The following PPP1R37 variants were observed in gnomAD, a reference collection of about 807,000 sequenced individuals.
The protein encoded by PPP1R37 is leucine rich repeat containing 68.
A neutral mutation model predicts 61.0 loss-of-function variants in PPP1R37; 21 were observed. That is an observed-to-expected ratio of 0.34 (90% confidence interval 0.24 to 0.50). PPP1R37 has a LOEUF of 0.50. PPP1R37 is among the 20% of genes least tolerant of loss of function. The pLI is 0.98. For missense variants in PPP1R37, 910 were observed against 952.7 expected (o/e 0.96, Z 0.59); for synonymous variants, 443 against 433.5 (o/e 1.02, Z -0.27).
intron 1 of PPP1R37, among the ~76,000 whole-genome samples, chr19:45,102,201 G>A (rs867979246): frequency 2.9e-4 from 44 of 152,326 alleles, no homozygotes; most frequent in African/African-American, 1.0e-3. Flanking sequence ...AACCCCTCTG[G>A]TGGCTTAGCG....
At chr19:45,128,730 A>G (rs897481676) in intron 1 of PPP1R37, 6 of 819,020 alleles carry the variant, frequency 7.3e-6, no homozygotes, top group African/African-American at 6.9e-5. Flanking sequence ...CAGCCGCGTC[A>G]AGGTCCACCT....
rs1599713756 is a variant in PPP1R37 at position 45,144,940 on chromosome 19, C to A, written c.1074C>A (p.Ile358=). 2 of 1,535,764 alleles carry A rather than the reference C, an allele frequency of 1.3e-6. No individual in the cohort carries two copies. Among genetic ancestry groups the A allele is most frequent in the Non-Finnish European group, 1.7e-6 (2 of 1,146,716 alleles). ...EGVRHLKNGL[I]SNRSVLRLGL... is the part of the protein sequence containing the mutation. ...TGCGGCACCTCAAGAACGGGCTCAT[C>A]AGCAACCGCAGCGTGCTGCGCCTCG... Residue 358 remains isoleucine (I), a synonymous_variant, in exon 9 of 13, where the codon ATC becomes ATA. Transcript: ENST00000221462.
chr19:45,120,122 A>C (rs987075134), intron 1 of PPP1R37, among the ~76,000 whole-genome samples: 9 of 141,358 alleles, frequency 6.4e-5, no homozygotes, highest in East Asian at 4.1e-4. Flanking sequence ...GGTTCACGCC[A>C]TTCTCCTGCC....
At chr19:45,134,978 G>A (rs956160132) in intron 1 of PPP1R37, among the ~76,000 whole-genome samples, 1 of 152,144 alleles carries the variant, frequency 6.6e-6, no homozygotes, top group Non-Finnish European at 1.5e-5. Context: ...GGCTGGGCAC[G>A]GTGGCTCACG....
chr19:45,113,764 C>T (rs977290860), intron 1 of PPP1R37, among the ~76,000 whole-genome samples: 1 of 152,202 alleles, frequency 6.6e-6, no homozygotes, highest in East Asian at 1.9e-4. Context: ...GAGTTCTCTC[C>T]GCCCCCTCAC....
Position 45,145,844 on chromosome 19 carries a change from C to G in PPP1R37, c.1788C>G (p.Pro596=). The G allele has an allele frequency of 6.7e-7, 1 of 1,488,528 alleles. No homozygotes were observed. The highest frequency in any genetic ancestry group is 9.0e-7 in the Non-Finnish European group (1 of 1,113,454). The allele number at this position is 1,488,528 out of a possible 1,614,324, so 92.2% of individuals were successfully genotyped here. ...SPTPPSPPPP[P]SPPASPSLPP... ...CCCCTCCCTCTCCCCCACCCCCTCC[C>G]TCCCCACCCGCCTCACCTTCCCTAC... The change falls in exon 11 of 13, where the codon CCC becomes CCG. Residue 596 remains proline (P), a synonymous_variant. Transcript: ENST00000221462.
Position 45,138,588 on chromosome 19 carries a change from C to A in PPP1R37, c.277C>A (p.Pro93Thr). The A allele has an allele frequency of 2.0e-6, 3 of 1,535,742 alleles. No individual in the cohort carries two copies. Among genetic ancestry groups the A allele is most frequent in the Non-Finnish European group, 2.6e-6 (3 of 1,146,650 alleles). ...CCAGAAGCTGAACTGCAGGCAGATC[C>A]CCAAGCTCCTCAGGCAGCTGCAGGT... ...ACQKLNCRQIPKLLRQLQEFT... is the reference protein window; with the variant it reads ...ACQKLNCRQITKLLRQLQEFT... The change falls in exon 2 of 13, where the codon CCC becomes ACC. Residue 93 changes from proline to threonine, a missense_variant. Physicochemically the swap from Pro to Thr is conservative, Grantham distance 38. This residue lies in a region of PPP1R37 where 280 missense variants were observed against 382.2 expected (regional missense o/e 0.73). Transcript: ENST00000221462.
At chr19:45,112,778 G>A (rs1290058790) in intron 1 of PPP1R37, among the ~76,000 whole-genome samples, 1 of 152,212 alleles carries the variant, frequency 6.6e-6, no homozygotes, top group African/African-American at 2.4e-5. Flanking sequence ...GGGTTGTCTT[G>A]GACGCTGTTT....
At position 45,144,843 on chromosome 19, in the gene PPP1R37, C is replaced by G. The variant is rs1012034858; in HGVS notation, c.988-11C>G. 2.0e-6 allele frequency: 3 copies of G among 1,525,038 alleles called. No homozygotes were observed. The highest frequency in any genetic ancestry group is 1.4e-5 in the African/African-American group (1 of 72,498). The allele number at this position is 1,525,038 out of a possible 1,614,324, so 94.5% of individuals were successfully genotyped here. ...CGGCCTCCTCCTCACCCTCACACCC[C>G]CTCCCTCCAGCCGCACACTCAGAGC... On this transcript the variant is annotated splice_polypyrimidine_tract_variant and intron_variant, in intron 8 of 12. Transcript: ENST00000221462.
At chr19:45,116,911 C>CTTTT (rs61317000) in intron 1 of PPP1R37, among the ~76,000 whole-genome samples, 1 of 121,058 alleles carries the variant, frequency 8.3e-6, no homozygotes, top group Non-Finnish European at 1.7e-5. Flanking sequence ...GAGGAGGTGA[C>CTTTT]TTTTTTTTTT....
intron 1 of PPP1R37, among the ~76,000 whole-genome samples, chr19:45,116,968 C>T (rs1968276311): frequency 6.8e-6 from 1 of 146,752 alleles, no homozygotes; most frequent in African/African-American, 2.5e-5. Flanking sequence ...GGCTGGAGTG[C>T]AGTGGCACGA....
intron 1 of PPP1R37, among the ~76,000 whole-genome samples, chr19:45,124,820 A>ACG (rs1968382578): frequency 6.6e-6 from 1 of 151,188 alleles, no homozygotes; most frequent in African/African-American, 2.4e-5. Flanking sequence ...AAAAAAAAAA[A>ACG]ACTGGCCAAG....
At chr19:45,127,510 A>T (rs943610927) in intron 1 of PPP1R37, among the ~76,000 whole-genome samples, 5 of 152,150 alleles carry the variant, frequency 3.3e-5, no homozygotes, top group Non-Finnish European at 7.3e-5. Flanking sequence ...ATTTGTGTAT[A>T]TGAACGTAGA....
At chr19:45,140,400 C>T in intron 3 of PPP1R37, 106 bp from the exon 4 acceptor site, 3 of 901,992 alleles carry the variant, frequency 3.3e-6, no homozygotes, top group Non-Finnish European at 3.0e-6. Context: ...TCAGCCAGGG[C>T]AGGGGCTGGG....
At chr19:45,134,867 G>A (rs894609210) in intron 1 of PPP1R37, among the ~76,000 whole-genome samples, 1 of 152,150 alleles carries the variant, frequency 6.6e-6, no homozygotes, top group African/African-American at 2.4e-5. Context: ...CCCAGCTGAA[G>A]GTGTGGTCTG....
At position 45,130,260 on chromosome 19, in the gene PPP1R37, C is replaced by T. The variant is rs768704261; in HGVS notation, c.203-8254C>T. Among the ~76,000 whole-genome samples, 1 of 152,138 alleles carries T rather than the reference C, an allele frequency of 6.6e-6. No homozygotes were observed. Among genetic ancestry groups the T allele is most frequent in the African/African-American group, 2.4e-5 (1 of 41,436 alleles). On this transcript the variant is annotated intron_variant, in intron 1 of 12. Transcript: ENST00000221462. This position sits in a 1 kb window ranked among gnomAD's most constrained non-coding sequence, Gnocchi z 4.4. ...TCAGGTCCCCTCCCCGTGAGTACTA[C>T]AGGGGACCCCACTCCTGCAGAATAC...
intron 4 of PPP1R37, 150 bp downstream of exon 4, chr19:45,140,756 G>A: frequency 1.6e-6 from 1 of 625,020 alleles, no homozygotes; most frequent in Non-Finnish European, 2.8e-6. Context: ...GGGCAAGAGG[G>A]AGACATCCAA....
Position 45,094,411 on chromosome 19 carries a change from CCT to C in PPP1R37, c.202+887_202+888del, listed in dbSNP as rs529266284. Among the ~76,000 whole-genome samples the C allele has an allele frequency of 2.7e-3, 413 of 152,302 alleles. 3 individuals carry two copies. Among genetic ancestry groups the C allele is most frequent in the Middle Eastern group, 0.01 (3 of 294 alleles). The stretch of plus-strand genomic sequence containing the variant: ...GTTTGGGACATGGCTACGGAAGGGT[CCT>C]CTTGTTCCTTCCTGAGAAAGAATTG... On this transcript the variant is annotated intron_variant, in intron 1 of 12. Transcript: ENST00000221462.
intron 1 of PPP1R37, among the ~76,000 whole-genome samples, chr19:45,111,068 C>T (rs1285059555): frequency 6.6e-6 from 1 of 152,096 alleles, no homozygotes; most frequent in Non-Finnish European, 1.5e-5. Flanking sequence ...AATGACTCAG[C>T]AAACCCTTGT....
Sources: allele counts gnomAD v4.1 joint callset (sites outside exome capture counted in the v4.1 genomes callset), GRCh38; gene constraint gnomAD v4.1.1; regional missense constraint gnomAD v4.1.1; non-coding constraint Gnocchi (gnomAD v3.1); transcripts MANE v1.5; gene names NCBI Gene and HGNC (gene_info 2026-07-23, HGNC 2026-07-21).